The following SFXN2 variants were observed in gnomAD, a reference collection of about 807,000 sequenced individuals.
SFXN2 encodes sideroflexin-2.
In SFXN2, 37 loss-of-function variants were observed where a neutral mutation model predicts 41.9. That is an observed-to-expected ratio of 0.88 (90% confidence interval 0.68 to 1.16). The LOEUF (loss-of-function observed/expected upper bound fraction) is 1.16. SFXN2 is among the 50% of genes most tolerant of loss of function. The pLI, the probability that SFXN2 is intolerant of heterozygous loss-of-function variation, is 0.00. For missense variants in SFXN2, 386 were observed against 425.2 expected (o/e 0.91, Z 0.81); for synonymous variants, 150 against 156.7 (o/e 0.96, Z 0.32).
chr10:102,735,119 T>C (rs1460215678), intron 10 of SFXN2, among the ~76,000 whole-genome samples: 3 of 130,610 alleles, frequency 2.3e-5, no homozygotes, highest in African/African-American at 8.9e-5. Context: ...CTCCTCCCGA[T>C]ACAAGTCAAT....
chr10:102,715,819 G>A (rs2064402638), intron 1 of SFXN2, among the ~76,000 whole-genome samples: 1 of 151,112 alleles, frequency 6.6e-6, no homozygotes, highest in Non-Finnish European at 1.5e-5. Flanking sequence ...GTTCCGTGGC[G>A]CACTTGTAGT....
chr10:102,731,933 C>T (rs1328329166), intron 7 of SFXN2, 150 bp downstream of exon 7: 8 of 791,956 alleles, frequency 1.0e-5, no homozygotes, highest in African/African-American at 1.7e-5. Context: ...CCATGTTTCT[C>T]TGTTCAGAAC....
intron 1 of SFXN2, among the ~76,000 whole-genome samples, chr10:102,722,515 TAAAG>T (rs546006674): frequency 4.0e-4 from 61 of 152,266 alleles, no homozygotes; most frequent in African/African-American, 1.4e-3. Flanking sequence ...ATAAGAGAAA[TAAAG>T]ATTTTTATTT....
At chr10:102,737,563 A>T (rs1292158186) in intron 11 of SFXN2, 100 bp from the exon 12 acceptor site, 2 of 760,642 alleles carry the variant, frequency 2.6e-6, no homozygotes, top group Admixed American at 3.9e-5. Flanking sequence ...ATAATCCTAG[A>T]TGGAAAAATC....
chr10:102,731,417 A>G (rs551846716), intron 6 of SFXN2, among the ~76,000 whole-genome samples: 34 of 152,218 alleles, frequency 2.2e-4, no homozygotes, highest in Non-Finnish European at 3.7e-4. Context: ...GATGATCCCC[A>G]TTTTGCAGAT....
At chr10:102,732,344 C>A in intron 8 of SFXN2, 126 bp downstream of exon 8, 2 of 755,194 alleles carry the variant, frequency 2.6e-6, no homozygotes, top group Non-Finnish European at 4.4e-6. Context: ...AACTGCTTTG[C>A]TTGATTGCTG....
intron 11 of SFXN2, among the ~76,000 whole-genome samples, chr10:102,736,782 C>G (rs1432100009): frequency 6.6e-6 from 1 of 151,082 alleles, no homozygotes; most frequent in African/African-American, 2.4e-5. Flanking sequence ...AAATCCTGAC[C>G]TCAGGTGATC....
intron 10 of SFXN2, among the ~76,000 whole-genome samples, chr10:102,735,447 TCCCTCCATGATGCTCCTC>T (rs2064762892): frequency 7.6e-6 from 1 of 130,910 alleles, no homozygotes; most frequent in Non-Finnish European, 1.6e-5. Flanking sequence ...GTCCCTCCTC[TCCCTCCATGATGCTCCTC>T]CCCTCCATGT....
At chr10:102,727,419 A>G (rs898453503) in intron 3 of SFXN2, among the ~76,000 whole-genome samples, 3 of 152,222 alleles carry the variant, frequency 2.0e-5, no homozygotes, top group Non-Finnish European at 4.4e-5. Flanking sequence ...GGCAGGAAAT[A>G]TGGGTGCCTG....
At chr10:102,721,200 A>G (rs1268151874) in intron 1 of SFXN2, among the ~76,000 whole-genome samples, 2 of 152,096 alleles carry the variant, frequency 1.3e-5, no homozygotes, top group Non-Finnish European at 2.9e-5. Flanking sequence ...TCTATATTTT[A>G]TCAATATTAT....
intron 1 of SFXN2, among the ~76,000 whole-genome samples, chr10:102,720,063 G>A (rs2064483858): frequency 1.3e-5 from 2 of 152,094 alleles, no homozygotes; most frequent in African/African-American, 4.8e-5. Flanking sequence ...GCCGACGCGG[G>A]TAATGGGTCA....
At chr10:102,733,459 T>C in intron 9 of SFXN2, 95 bp from the exon 10 acceptor site, 1 of 1,063,732 alleles carries the variant, frequency 9.4e-7, no homozygotes, top group Non-Finnish European at 1.4e-6. Flanking sequence ...CCTGTGGGCT[T>C]TTCTAGCTGG....
chr10:102,728,202 G>T (rs1190822312), intron 3 of SFXN2, among the ~76,000 whole-genome samples: 1 of 152,194 alleles, frequency 6.6e-6, no homozygotes, highest in Non-Finnish European at 1.5e-5. Flanking sequence ...GGGAGGCTGA[G>T]ACAGGAGAAT....
chr10:102,727,983 C>T (rs1213964225), intron 3 of SFXN2, among the ~76,000 whole-genome samples: 1 of 152,078 alleles, frequency 6.6e-6, no homozygotes, highest in Non-Finnish European at 1.5e-5. Flanking sequence ...CCAGCCTGCG[C>T]AGAAGCCCAG....
intron 9 of SFXN2, among the ~76,000 whole-genome samples, 154 bp from the exon 10 acceptor site, chr10:102,733,400 G>A (rs764891846): frequency 6.6e-6 from 1 of 152,060 alleles, no homozygotes; most frequent in Admixed American, 6.6e-5. Flanking sequence ...TGCCCATCTC[G>A]GTCTCCCAAA....
In SFXN2 at chr10:102,714,646, G is replaced by A. The variant is rs1421614726; in HGVS notation, c.-61G>A. On this transcript the variant is annotated 5_prime_UTR_variant, in exon 1 of 12. Transcript: ENST00000369893. ...CCTCTCACCCGGGCCAGTTTTCAAG[G>A]CGGGCTGTAACTGGTGGCATTTGTC... 6.9e-6 allele frequency: 2 copies of A among 291,618 alleles called. No individual in the cohort carries two copies. Among genetic ancestry groups the A allele is most frequent in the Non-Finnish European group, 1.3e-5 (2 of 159,070 alleles). 18.1% of individuals were successfully genotyped at this position (291,618 alleles called of 1,614,324 possible).
chr10:102,737,614 T>TA, intron 11 of SFXN2, 49 bp from the exon 12 acceptor site: 1 of 1,256,282 alleles, frequency 8.0e-7, no homozygotes, highest in Non-Finnish European at 1.2e-6. Flanking sequence ...GAGGGTAACT[T>TA]ACTGCTTGTT....
intron 3 of SFXN2, among the ~76,000 whole-genome samples, chr10:102,728,075 G>T (rs1211234791): frequency 6.6e-6 from 1 of 152,118 alleles, no homozygotes; most frequent in African/African-American, 2.4e-5. Flanking sequence ...AAGGCGGGTG[G>T]ATTACTTGAG....
intron 1 of SFXN2, among the ~76,000 whole-genome samples, chr10:102,723,868 A>T (rs1318925252): frequency 2.0e-5 from 3 of 151,992 alleles, no homozygotes; most frequent in Non-Finnish European, 4.4e-5. Flanking sequence ...GTACACGTGC[A>T]GGTTTGTTAC....
Sources: allele counts gnomAD v4.1 joint callset (sites outside exome capture counted in the v4.1 genomes callset), GRCh38; gene constraint gnomAD v4.1.1; transcripts MANE v1.5; gene names NCBI Gene and HGNC (gene_info 2026-07-23, HGNC 2026-07-21).